The following FAM184B variants were observed in gnomAD, a reference collection of about 807,000 sequenced individuals.
The protein encoded by FAM184B is protein FAM184B.
FAM184B carries 111 observed loss-of-function variants against 135.9 expected under a neutral mutation model. The ratio of observed to expected loss-of-function variants is 0.82; its 90% CI spans 0.70 to 0.96. FAM184B has a LOEUF of 0.96. Among genes scored for constraint, FAM184B ranks in the 40% least tolerant of loss-of-function variants. The pLI is 0.00. For synonymous variants in FAM184B, 552 were observed against 524.8 expected, an observed-to-expected ratio of 1.05 and a Z score of -0.71; for missense variants, 1,375 against 1,323.9, an observed-to-expected ratio of 1.04 and a Z score of -0.60.
chr4:17,666,288 G>A lies in FAM184B; in HGVS notation c.1597-1629C>T, dbSNP rs1716046827. ...TACCTAAGGAACACTCAACACTCAA[G>A]TTTATTCCCTGGAATTCTTTTTTTT... On this transcript the variant is annotated intron_variant, in intron 7 of 17. Coordinates refer to ENST00000265018, the MANE Select transcript of FAM184B (RefSeq NM_015688.2). 4.0e-5 allele frequency among the ~76,000 whole-genome samples: 6 copies of A among 148,214 alleles called. No homozygotes were observed. In the South Asian group the frequency reaches 1.3e-3, roughly 32 times the overall value.
chr4:17,693,100 T>C (rs1472895438), intron 6 of FAM184B, among the ~76,000 whole-genome samples: 1 of 152,012 alleles, frequency 6.6e-6, no homozygotes, highest in Non-Finnish European at 1.5e-5. Context: ...CTTCTCTTAT[T>C]TGAGACATTA....
At chr4:17,640,343 G>A (rs7660630) in intron 13 of FAM184B, among the ~76,000 whole-genome samples, 88,234 of 149,184 alleles carry the variant, frequency 0.59, 26,854 homozygotes, top group East Asian at 0.89. Flanking sequence ...AATTAGCTGG[G>A]CATGGTGGTG....
intron 7 of FAM184B, among the ~76,000 whole-genome samples, chr4:17,683,912 C>T (rs1381001137): frequency 6.6e-6 from 1 of 151,438 alleles, no homozygotes; most frequent in African/African-American, 2.4e-5. Flanking sequence ...CTCGTCTCTA[C>T]AAAAAATTCA....
At chr4:17,696,380 CAG>C (rs1433967652) in intron 5 of FAM184B, among the ~76,000 whole-genome samples, 1 of 152,058 alleles carries the variant, frequency 6.6e-6, no homozygotes, top group Non-Finnish European at 1.5e-5. Context: ...CTAGGCTGAG[CAG>C]AGAAGACTTG....
chr4:17,636,731 A>G, intron 14 of FAM184B, 86 bp from the exon 15 acceptor site: 1 of 1,160,904 alleles, frequency 8.6e-7, no homozygotes, highest in Non-Finnish European at 1.2e-6. Flanking sequence ...TGGGAATGCC[A>G]TCCTGTGTTC....
At chr4:17,664,922 C>G (rs1440127260) in intron 7 of FAM184B, among the ~76,000 whole-genome samples, 2 of 152,134 alleles carry the variant, frequency 1.3e-5, no homozygotes, top group Admixed American at 6.5e-5. Context: ...ACACTGCTGA[C>G]AAAACTAAAG....
intron 1 of FAM184B, among the ~76,000 whole-genome samples, chr4:17,766,568 T>C (rs940762817): frequency 2.0e-4 from 30 of 152,146 alleles, no homozygotes; most frequent in Admixed American, 1.0e-3. Context: ...TTACAATCCC[T>C]TAGCTAGACA....
chr4:17,647,939 G>A (rs2108934474), intron 11 of FAM184B, 148 bp from the exon 12 acceptor site: 1 of 845,400 alleles, frequency 1.2e-6, no homozygotes, highest in Non-Finnish European at 1.8e-6. Flanking sequence ...CTTTTCCAAG[G>A]TAACAGTAAC....
At chr4:17,774,973 AATAAG>A (rs1230441158) in intron 1 of FAM184B, among the ~76,000 whole-genome samples, 1 of 151,392 alleles carries the variant, frequency 6.6e-6, no homozygotes, top group Non-Finnish European at 1.5e-5. Context: ...ATTTCCTAAG[AATAAG>A]ATATTTTCCT....
At chr4:17,711,966 T>C (rs916464305) in intron 1 of FAM184B, among the ~76,000 whole-genome samples, 2 of 152,262 alleles carry the variant, frequency 1.3e-5, no homozygotes, top group East Asian at 1.9e-4. Context: ...GTGTGAGAAG[T>C]TGTGAACTCA....
chr4:17,749,071 C>T (rs1330992806), intron 1 of FAM184B, among the ~76,000 whole-genome samples: 9 of 149,882 alleles, frequency 6.0e-5, no homozygotes, highest in Non-Finnish European at 1.2e-4. Flanking sequence ...TGGCTTCAAG[C>T]GATTCTCCTA....
chr4:17,672,232 G>A (rs908055547), intron 7 of FAM184B, among the ~76,000 whole-genome samples: 5 of 140,922 alleles, frequency 3.5e-5, no homozygotes, highest in Non-Finnish European at 7.7e-5. Flanking sequence ...AGGCCAGAAG[G>A]GAATGGGATG....
At chr4:17,741,350 G>A (rs1718027879) in intron 1 of FAM184B, among the ~76,000 whole-genome samples, 1 of 152,206 alleles carries the variant, frequency 6.6e-6, no homozygotes, top group East Asian at 1.9e-4. Flanking sequence ...AAAAATGAAA[G>A]AGTAAGCAAT....
At position 17,653,002 on chromosome 4, in the gene FAM184B, A is replaced by G. The variant is rs762743031; in HGVS notation, c.2038-19T>C. 1 of 1,551,228 alleles carries G rather than the reference A, an allele frequency of 6.4e-7. No individual in the cohort carries two copies. On this transcript the variant is annotated intron_variant, in intron 10 of 17. Transcript: ENST00000265018. ...CTGTGGCCTGTGGGAAAAAGTGGGAACAAGAAGGCATGAAAGTGGGCATGA... is the reference window on the plus strand; with the variant it reads ...CTGTGGCCTGTGGGAAAAAGTGGGAGCAAGAAGGCATGAAAGTGGGCATGA...
chr4:17,688,101 G>A (rs185036381), intron 7 of FAM184B, among the ~76,000 whole-genome samples: 11 of 152,284 alleles, frequency 7.2e-5, no homozygotes, highest in African/African-American at 2.2e-4. Context: ...ACTGGGGTTC[G>A]TGCTGGGCAG....
chr4:17,641,642 C>CTTT (rs1560165284), intron 13 of FAM184B, among the ~76,000 whole-genome samples: 1 of 34,448 alleles, frequency 2.9e-5, no homozygotes, highest in African/African-American at 8.4e-5. Flanking sequence ...CCACGCCCGG[C>CTTT]CTTTTTTTTT....
chr4:17,632,560 TC>T lies in FAM184B; in HGVS notation c.3154del (p.Glu1052AsnfsTer31). The T allele has an allele frequency of 6.4e-7, 1 of 1,551,496 alleles. No individual in the cohort carries two copies. Among genetic ancestry groups the T allele is most frequent in the Non-Finnish European group, 8.7e-7 (1 of 1,146,814 alleles). ...GAAAGAAAAGTACTTGGTGAACCAT[TC>T]CTGGTGCGGAGAGCCCTGTTTCTGC... is the stretch of plus-strand genomic sequence containing the variant. Reference protein sequence around the residue: ...VQQKQGSPHQEWFTKYFSF With the variant: ...VQQKQGSPHQXWFTKYFSF On this transcript the variant is annotated frameshift_variant, in exon 18 of 18. Coordinates refer to ENST00000265018, the MANE Select transcript of FAM184B (RefSeq NM_015688.2). LOFTEE classifies it high-confidence loss of function.
intron 1 of FAM184B, among the ~76,000 whole-genome samples, chr4:17,757,156 A>G (rs1718442412): frequency 6.6e-6 from 1 of 152,232 alleles, no homozygotes; most frequent in Admixed American, 6.5e-5. Context: ...CATAGGAAAT[A>G]TAAGTGACAG....
intron 1 of FAM184B, among the ~76,000 whole-genome samples, chr4:17,744,594 C>T (rs1718118590): frequency 6.6e-6 from 1 of 151,782 alleles, no homozygotes; most frequent in Non-Finnish European, 1.5e-5. Flanking sequence ...AAGCCATGTG[C>T]CTGTAATCCC....
Sources: allele counts gnomAD v4.1 joint callset (sites outside exome capture counted in the v4.1 genomes callset), GRCh38; gene constraint gnomAD v4.1.1; transcripts MANE v1.5; gene names NCBI Gene and HGNC (gene_info 2026-07-23, HGNC 2026-07-21).